Variants in PLEKHA5 observed in about 807,000 individuals in gnomAD.
The protein encoded by PLEKHA5 is pleckstrin homology domain-containing family A member 5.
A neutral mutation model predicts 181.9 loss-of-function variants in PLEKHA5; 55 were observed. The observed-to-expected ratio is 0.30, with a 90% CI of 0.24 to 0.38. The LOEUF is 0.38. Ranked by LOEUF, PLEKHA5 falls within the 10% of genes least tolerant of loss-of-function variation. The probability of loss-of-function intolerance (pLI) is 1.00; values close to 1 mark genes in which losing one functional copy is unlikely to be tolerated. For missense variants in PLEKHA5, 1,432 were observed against 1,549.5 expected (o/e 0.92, Z 1.27); for synonymous variants, 535 against 529.4 (o/e 1.01, Z -0.15).
chr12:19,308,101 A>G (rs1370472016), intron 15 of PLEKHA5, among the ~76,000 whole-genome samples: 1 of 152,218 alleles, frequency 6.6e-6, no homozygotes, highest in East Asian at 1.9e-4. Flanking sequence ...GAGAGAGAGG[A>G]AAAAAAGAGA....
intron 3 of PLEKHA5, among the ~76,000 whole-genome samples, chr12:19,159,322 G>C (rs928520466): frequency 2.0e-5 from 3 of 152,062 alleles, no homozygotes; most frequent in Non-Finnish European, 4.4e-5. Context: ...GCTTAGAAAA[G>C]TTGCCTTATC....
At chr12:19,173,683 AAAG>A (rs1352863001) in intron 3 of PLEKHA5, among the ~76,000 whole-genome samples, 4 of 152,206 alleles carry the variant, frequency 2.6e-5, no homozygotes, top group African/African-American at 9.6e-5. Context: ...GGAACAGGAC[AAAG>A]AAGAGGAATA....
At chr12:19,171,911 A>G (rs1036179905) in intron 3 of PLEKHA5, among the ~76,000 whole-genome samples, 9 of 152,166 alleles carry the variant, frequency 5.9e-5, no homozygotes, top group South Asian at 2.1e-4. Context: ...TTCTACCACC[A>G]CATCTTGTCC....
At chr12:19,160,730 T>G (rs1172716336) in intron 3 of PLEKHA5, among the ~76,000 whole-genome samples, 1 of 152,118 alleles carries the variant, frequency 6.6e-6, no homozygotes, top group African/African-American at 2.4e-5. Flanking sequence ...CTTTTCAGCC[T>G]TCTTTTGTCA....
At chr12:19,172,578 A>G (rs1414703996) in intron 3 of PLEKHA5, among the ~76,000 whole-genome samples, 4 of 152,224 alleles carry the variant, frequency 2.6e-5, no homozygotes, top group African/African-American at 4.8e-5. Context: ...AATCACAGTT[A>G]TATACATCGC....
chr12:19,174,447 T>G (rs535595343), intron 3 of PLEKHA5, among the ~76,000 whole-genome samples: 2 of 152,364 alleles, frequency 1.3e-5, no homozygotes, highest in African/African-American at 4.8e-5. Context: ...GATTTGAGTT[T>G]TATTTTTAAC....
rs201462301 is a variant in PLEKHA5, at chr12:19,335,422, A to ATT, written c.2449-1083_2449-1082dup. ...TTATTTTTTTTCTTTTACTTTATTT[A>ATT]TTTTTTTTTTTGAGTCGGAGTCTCG... On this transcript the variant is annotated intron_variant, in intron 20 of 31. Coordinates refer to ENST00000429027, the MANE Select transcript of PLEKHA5 (RefSeq NM_001256470.2). Among the ~76,000 whole-genome samples, 12 of 142,494 alleles carry ATT rather than the reference A, an allele frequency of 8.4e-5. No individual in the cohort carries two copies. In the South Asian group the frequency reaches 9.0e-4, roughly 11 times the overall value. 93.5% of individuals were successfully genotyped at this position (142,494 alleles called of 152,430 possible). A position where few individuals can be genotyped will look rare whatever the true frequency, so the allele number is the denominator to read the frequency against.
At chr12:19,322,942 C>T (rs534614337) in intron 20 of PLEKHA5, among the ~76,000 whole-genome samples, 106 of 151,078 alleles carry the variant, frequency 7.0e-4, no homozygotes, top group African/African-American at 2.4e-3. Context: ...TAGCCTGAAT[C>T]TCTTGGACTC....
intron 18 of PLEKHA5, among the ~76,000 whole-genome samples, chr12:19,321,350 C>CTTTTT (rs2090698952): frequency 1.4e-5 from 1 of 72,760 alleles, no homozygotes; most frequent in Admixed American, 1.5e-4. Context: ...CTTTTCTTTT[C>CTTTTT]TTTTCTTTTC....
chr12:19,266,323 A>C (rs566474962), intron 8 of PLEKHA5, among the ~76,000 whole-genome samples: 23 of 151,688 alleles, frequency 1.5e-4, no homozygotes, highest in South Asian at 1.5e-3. Flanking sequence ...AAAACAAAAC[A>C]AAACCAAAAA....
chr12:19,145,513 TG>T (rs1259516461), intron 3 of PLEKHA5, among the ~76,000 whole-genome samples: 1 of 152,200 alleles, frequency 6.6e-6, no homozygotes, highest in Non-Finnish European at 1.5e-5. Context: ...TTAACAAAAA[TG>T]GGATTGTCCT....
chr12:19,231,214 A>G lies in PLEKHA5; in HGVS notation c.228-22726A>G, dbSNP rs557213323. 2.0e-5 allele frequency among the ~76,000 whole-genome samples: 3 copies of G among 152,234 alleles called. No individual in the cohort carries two copies. The South Asian group carries it at 6.2e-4, about 32-fold the overall frequency. ...ATAATGAAACTGGTAACACTATCAT[A>G]TGTTTAATTCTATTCCTACATCAAA... On this transcript the variant is annotated intron_variant, in intron 3 of 31. Transcript: ENST00000429027.
chr12:19,283,368 C>A lies in PLEKHA5; in HGVS notation c.1402C>A (p.Pro468Thr). The A allele has an allele frequency of 6.2e-7, 1 of 1,613,810 alleles. No homozygotes were observed. Among genetic ancestry groups the A allele is most frequent in the Non-Finnish European group, 8.5e-7 (1 of 1,179,954 alleles). ...CTACCCTGAAGGTTATAGAACACTC[C>A]CAAGAAACAGCAAGACAAGGCCTGA... ...ARYPEGYRTL[P>T]RNSKTRPESI... Residue 468 changes from proline (P) to threonine (T), a missense_variant, in exon 12 of 32, where the codon CCA (proline) becomes ACA (threonine). Pro to Thr is a conservative substitution (Grantham distance 38). Coordinates refer to ENST00000429027, the MANE Select transcript of PLEKHA5 (RefSeq NM_001256470.2).
chr12:19,280,040 T>G (rs867489896), intron 11 of PLEKHA5, among the ~76,000 whole-genome samples: 1 of 98,430 alleles, frequency 1.0e-5, no homozygotes, highest in African/African-American at 5.4e-5. Flanking sequence ...AAACCTGTTT[T>G]TTTTTTTTTT....
At chr12:19,248,356 C>T (rs2152501914) in intron 3 of PLEKHA5, among the ~76,000 whole-genome samples, 1 of 152,238 alleles carries the variant, frequency 6.6e-6, no homozygotes, top group East Asian at 1.9e-4. Context: ...TGTCACTATG[C>T]CTGGCTAATT....
intron 3 of PLEKHA5, among the ~76,000 whole-genome samples, chr12:19,174,045 A>G (rs1387622608): frequency 1.3e-5 from 2 of 152,254 alleles, no homozygotes; most frequent in African/African-American, 4.8e-5. Flanking sequence ...GCATCACAGC[A>G]CAGAAATAAT....
intron 3 of PLEKHA5, among the ~76,000 whole-genome samples, chr12:19,143,709 AT>A (rs1167232389): frequency 6.6e-6 from 1 of 152,120 alleles, no homozygotes; most frequent in Non-Finnish European, 1.5e-5. Context: ...ATGTATATAT[AT>A]TTTTAAAGAT....
At position 19,347,083 on chromosome 12, in the gene PLEKHA5, TAGC is replaced by T; in HGVS notation, c.2803_2805del (p.Ser936del). On this transcript the variant is annotated inframe_deletion, in exon 24 of 32. Coordinates refer to ENST00000429027, the MANE Select transcript of PLEKHA5 (RefSeq NM_001256470.2). Reference sequence around the variant, plus strand: ...CCATAATCCCCCCTCTGCCCAGTGATAGCAGCTCCTTGCTCTGTTATAGCAGGG... The same window carrying T: ...CCATAATCCCCCCTCTGCCCAGTGATAGCTCCTTGCTCTGTTATAGCAGGG... 2 of 1,551,236 alleles carry T rather than the reference TAGC, an allele frequency of 1.3e-6. No homozygotes were observed. The highest frequency in any genetic ancestry group is 1.7e-6 in the Non-Finnish European group (2 of 1,146,434).
chr12:19,361,482 C>A, intron 28 of PLEKHA5, 100 bp from the exon 29 acceptor site: 2 of 685,114 alleles, frequency 2.9e-6, no homozygotes, highest in East Asian at 2.8e-5. Flanking sequence ...CACGCCCGAC[C>A]GTGATTGTTC....
Sources: gnomAD v4.1 joint callset for allele counts (sites outside exome capture counted in the v4.1 genomes callset) on GRCh38, gnomAD v4.1.1 for gene constraint, MANE v1.5 for transcripts, NCBI Gene and HGNC (gene_info 2026-07-23, HGNC 2026-07-21) for gene names.